Variants in EVC2 observed in about 807,000 individuals in gnomAD.
The protein encoded by EVC2 is EvC ciliary complex subunit 2.
EVC2 carries 148 observed loss-of-function variants against 149.3 expected under a neutral mutation model. The ratio of observed to expected loss-of-function variants is 0.99; its 90% CI spans 0.87 to 1.14. The LOEUF (loss-of-function observed/expected upper bound fraction) is 1.14. EVC2 is among the 50% of genes most tolerant of loss of function. The pLI, the probability that EVC2 is intolerant of heterozygous loss-of-function variation, is 0.00. For synonymous variants in EVC2, 776 were observed against 649.9 expected (o/e 1.19, Z -2.95); for missense variants, 1,854 against 1,627.3 (o/e 1.14, Z -2.40).
At chr4:5,535,454 C>CACATATGGTCTCAGTTGG in the EVC2 span, among the ~76,000 whole-genome samples, 2 of 152,062 alleles carry the variant, frequency 1.3e-5, no homozygotes, top group Non-Finnish European at 2.9e-5. This position sits in a 1 kb window ranked among gnomAD's most constrained non-coding sequence, Gnocchi z 4.7. Context: ...TTTAGGGAGG[C>CACATATGGTCTCAGTTGG]ACATATGGTC....
chr4:5,539,938 G>A (rs1399106720), downstream of EVC2, among the ~76,000 whole-genome samples: 5 of 152,142 alleles, frequency 3.3e-5, no homozygotes, highest in Non-Finnish European at 7.4e-5. Flanking sequence ...AGAATGAAAA[G>A]ACAAACTGCA....
At chr4:5,627,519 G>A (rs910181041) in intron 12 of EVC2, among the ~76,000 whole-genome samples, 1 of 152,182 alleles carries the variant, frequency 6.6e-6, no homozygotes, top group African/African-American at 2.4e-5. Context: ...GTCCCAACAA[G>A]GTTACCTAGT....
At chr4:5,671,100 T>C (rs1719619544) in intron 7 of EVC2, among the ~76,000 whole-genome samples, 1 of 152,240 alleles carries the variant, frequency 6.6e-6, no homozygotes, top group African/African-American at 2.4e-5. Context: ...ATCCATTTAA[T>C]CTCCACAACA....
chr4:5,563,173 TTC>T, intron 21 of EVC2, 58 bp from the exon 22 acceptor site: 17 of 1,537,172 alleles, frequency 1.1e-5, no homozygotes, highest in Non-Finnish European at 1.5e-5. Context: ...CTCTGGAGTG[TTC>T]TGAGTTCTCC....
At chr4:5,678,900 G>A (rs1720161398) in intron 7 of EVC2, among the ~76,000 whole-genome samples, 1 of 151,976 alleles carries the variant, frequency 6.6e-6, no homozygotes, top group African/African-American at 2.4e-5. Flanking sequence ...CTGTGGTGGT[G>A]GGTGCCTGTA....
In EVC2 at chr4:5,683,336, T is replaced by C. The variant is rs374781782; in HGVS notation, c.817-2023A>G. 2.6e-5 allele frequency among the ~76,000 whole-genome samples: 4 copies of C among 152,334 alleles called. No individual in the cohort carries two copies. In the East Asian group the frequency reaches 7.7e-4, roughly 29 times the overall value. ...GTACATTCTGCTGTGTTCCCACAGA[T>C]ATGCAGATAAGAGCCTAAAGCGTGC... is the stretch of plus-strand genomic sequence containing the variant. On this transcript the variant is annotated intron_variant, in intron 6 of 21. Transcript: ENST00000344408.
intron 8 of EVC2, among the ~76,000 whole-genome samples, chr4:5,665,046 G>T (rs61594381): frequency 6.6e-6 from 1 of 151,158 alleles, no homozygotes; most frequent in East Asian, 2.0e-4. Flanking sequence ...TGGGATGCCC[G>T]TGGGTAATGG....
In EVC2 at chr4:5,562,553, C is replaced by T. The variant is rs907237297; in HGVS notation, c.*295G>A. ...GTCACCACACAGACCATAGCTTCTG[C>T]AGCAGAGGATGGGGTGTGGATTGCA... is the stretch of plus-strand genomic sequence containing the variant. On this transcript the variant is annotated 3_prime_UTR_variant, in exon 22 of 22. Coordinates refer to ENST00000344408, the MANE Select transcript of EVC2 (RefSeq NM_147127.5). The surrounding 1 kb of genome is among the most constrained non-coding windows in gnomAD (Gnocchi z 4.3). The T allele has an allele frequency of 7.5e-5, 98 of 1,308,808 alleles. No individual in the cohort carries two copies. In the African/African-American group the frequency reaches 1.3e-3, roughly 18 times the overall value. 81.1% of individuals were successfully genotyped at this position (1,308,808 alleles called of 1,614,324 possible).
At chr4:5,684,458 AT>A (rs1401222336) in intron 6 of EVC2, among the ~76,000 whole-genome samples, 3 of 152,108 alleles carry the variant, frequency 2.0e-5, no homozygotes, top group Admixed American at 6.5e-5. Flanking sequence ...CTCATCTTCC[AT>A]GTCCGTGAAT....
chr4:5,649,784 C>T (rs1395805685), intron 9 of EVC2, among the ~76,000 whole-genome samples: 3 of 152,190 alleles, frequency 2.0e-5, no homozygotes, highest in Non-Finnish European at 4.4e-5. Flanking sequence ...AAATTTTCCT[C>T]ATCAGAAGCT....
At chr4:5,583,754 T>C (rs1712011488) in intron 17 of EVC2, among the ~76,000 whole-genome samples, 2 of 135,212 alleles carry the variant, frequency 1.5e-5, no homozygotes, top group South Asian at 6.0e-4. Flanking sequence ...TGCCAAGGGT[T>C]TGTATATTTT....
At chr4:5,619,556 C>A (rs929370407) in intron 14 of EVC2, among the ~76,000 whole-genome samples, 11 of 152,196 alleles carry the variant, frequency 7.2e-5, no homozygotes, top group African/African-American at 2.7e-4. Context: ...TCTTGGACTT[C>A]CTACCTTCAG....
chr4:5,562,350 T>C (rs1015779942), downstream of EVC2: 7 of 750,928 alleles, frequency 9.3e-6, no homozygotes, highest in Non-Finnish European at 1.2e-5. The surrounding 1 kb of genome is among the most constrained non-coding windows in gnomAD (Gnocchi z 4.3). Context: ...AATCTCTCTA[T>C]TGAACACCAC....
chr4:5,656,391 T>C (rs1045208957), intron 9 of EVC2, among the ~76,000 whole-genome samples: 17 of 152,182 alleles, frequency 1.1e-4, no homozygotes, highest in African/African-American at 4.1e-4. Context: ...TCTTGAGATG[T>C]TGCGATCACT....
intron 21 of EVC2, among the ~76,000 whole-genome samples, chr4:5,544,263 G>C (rs79083575): frequency 2.0e-5 from 3 of 151,482 alleles, no homozygotes; most frequent in Non-Finnish European, 4.4e-5. Flanking sequence ...AAAAAAAAAA[G>C]AGAGAAAATT....
downstream of EVC2, among the ~76,000 whole-genome samples, chr4:5,538,185 A>G (rs186775663): frequency 1.6e-4 from 25 of 152,254 alleles, no homozygotes; most frequent in Non-Finnish European, 3.4e-4. Context: ...AATTAAAAGA[A>G]TAATAAAATA....
In EVC2 at chr4:5,622,631, C is replaced by T. The variant is rs1293200318; in HGVS notation, c.2407G>A (p.Val803Ile). The T allele has an allele frequency of 6.2e-7, 1 of 1,614,060 alleles. No individual in the cohort carries two copies. The highest frequency in any genetic ancestry group is 1.1e-5 in the South Asian group (1 of 91,058). ...GEERDRDQEG[V>I]QSVRQRLKDD... ...TTCAGTCTCTGCCTCACGCTCTGGA[C>T]ACCCTCCTGGTCCCTGTCCCTCTCC... is the stretch of plus-strand genomic sequence containing the variant. The change falls in exon 14 of 22, where the codon GTC becomes ATC. Residue 803 changes from valine to isoleucine, a missense_variant. By Grantham distance (29) the Val-to-Ile change is conservative. Coordinates refer to ENST00000344408, the MANE Select transcript of EVC2 (RefSeq NM_147127.5). The surrounding 1 kb of genome is among the most constrained non-coding windows in gnomAD (Gnocchi z 5.8).
At chr4:5,602,613 A>G (rs1463949691) in intron 16 of EVC2, among the ~76,000 whole-genome samples, 1 of 152,174 alleles carries the variant, frequency 6.6e-6, no homozygotes, top group Admixed American at 6.5e-5. Context: ...ACTCCAGGAA[A>G]AACAAAAAGT....
chr4:5,681,981 C>G (rs980906676), intron 6 of EVC2, among the ~76,000 whole-genome samples: 1 of 152,180 alleles, frequency 6.6e-6, no homozygotes, highest in Non-Finnish European at 1.5e-5. Context: ...CACTGCTCAC[C>G]AGCAGTTGGA....
Sources: gnomAD v4.1 joint callset for allele counts (sites outside exome capture counted in the v4.1 genomes callset) on GRCh38, gnomAD v4.1.1 for gene constraint, Gnocchi (gnomAD v3.1) non-coding constraint, MANE v1.5 for transcripts, NCBI Gene and HGNC (gene_info 2026-07-23, HGNC 2026-07-21) for gene names.